EIF2A: variants seen among roughly 807,000 people sequenced by gnomAD.
EIF2A encodes the protein 65 kDa eukaryotic translation initiation factor 2A.
In EIF2A, 62 loss-of-function variants were observed where a neutral mutation model predicts 75.2. The ratio of observed to expected loss-of-function variants is 0.82; its 90% confidence interval spans 0.67 to 1.02. EIF2A has a LOEUF of 1.02. Ranked by LOEUF, EIF2A falls within the 50% of genes least tolerant of loss-of-function variation. The probability of loss-of-function intolerance (pLI) is 0.00; values close to 1 mark genes in which losing one functional copy is unlikely to be tolerated. For missense variants in EIF2A, 611 were observed against 677.7 expected (o/e 0.90, Z 1.09); for synonymous variants, 207 against 239.0 (o/e 0.87, Z 1.23).
chr3:150,562,568 A>G lies in EIF2A; in HGVS notation c.200A>G (p.Lys67Arg). 1.2e-6 allele frequency: 2 copies of G among 1,613,384 alleles called. No homozygotes were observed. The highest frequency in any genetic ancestry group is 2.2e-5 in the South Asian group (2 of 91,020). The change falls in exon 4 of 14, where the codon AAG becomes AGG. Residue 67 changes from lysine to arginine, a missense_variant. Physicochemically the swap from Lys to Arg is conservative, Grantham distance 26. Coordinates refer to ENST00000460851, the MANE Select transcript of EIF2A (RefSeq NM_032025.5). The stretch of plus-strand genomic sequence containing the variant: ...GTAAATATTATCAGTGTCACTAACA[A>G]GGGACTACTGCACTCCTTCGACCTC... ...EKVNIISVTN[K>R]GLLHSFDLLK... is the part of the protein sequence containing the mutation.
rs776709910 is a variant in EIF2A at position 150,558,479 on chromosome 3, A to G, written c.173+17A>G. 42 of 1,480,158 alleles carry G rather than the reference A, an allele frequency of 2.8e-5. No homozygotes were observed. Among genetic ancestry groups the G allele is most frequent in the Non-Finnish European group, 3.2e-5 (36 of 1,122,460 alleles). 91.7% of individuals were successfully genotyped at this position (1,480,158 alleles called of 1,614,324 possible). A position where few individuals can be genotyped will look rare whatever the true frequency, so the allele number is the denominator to read the frequency against. ...TGGAGAAAAGTTAGTGTTCATTTACATAACATATTTTGTGTGTCACGAATA... is the reference window on the plus strand; with the variant it reads ...TGGAGAAAAGTTAGTGTTCATTTACGTAACATATTTTGTGTGTCACGAATA... On this transcript the variant is annotated intron_variant, in intron 3 of 13. Transcript: ENST00000460851.
intron 11 of EIF2A, among the ~76,000 whole-genome samples, chr3:150,580,118 A>G (rs1273500346): frequency 6.6e-6 from 1 of 152,134 alleles, no homozygotes; most frequent in Non-Finnish European, 1.5e-5. Flanking sequence ...TACCGTAGGG[A>G]AAAATACTGG....
intron 11 of EIF2A, among the ~76,000 whole-genome samples, chr3:150,578,494 A>G (rs1390563364): frequency 6.6e-6 from 1 of 151,668 alleles, no homozygotes; most frequent in Non-Finnish European, 1.5e-5. Context: ...GCTCATGGTA[A>G]TAGTGTGATC....
chr3:150,568,157 A>G lies in EIF2A; in HGVS notation c.695-19A>G, dbSNP rs368575162. 1.4e-5 allele frequency: 23 copies of G among 1,606,448 alleles called. No individual in the cohort carries two copies. Among genetic ancestry groups the G allele is most frequent in the Non-Finnish European group, 1.6e-5 (19 of 1,177,640 alleles). On this transcript the variant is annotated intron_variant, in intron 8 of 13. Coordinates refer to ENST00000460851, the MANE Select transcript of EIF2A (RefSeq NM_032025.5). ...GCCCATTTGTGTTTTAAATCTAATTAAAGTTTTTACTGTTATAGCTACTGC... is the reference window on the plus strand; with the variant it reads ...GCCCATTTGTGTTTTAAATCTAATTGAAGTTTTTACTGTTATAGCTACTGC...
chr3:150,565,485 G>A (rs1449667378), intron 6 of EIF2A, among the ~76,000 whole-genome samples: 1 of 152,122 alleles, frequency 6.6e-6, no homozygotes, highest in African/African-American at 2.4e-5. Context: ...TATAGAAAAG[G>A]CGGGATAAAT....
intron 9 of EIF2A, 71 bp downstream of exon 9, chr3:150,568,363 ATAATC>A: frequency 1.7e-6 from 2 of 1,186,930 alleles, no homozygotes; most frequent in Non-Finnish European, 2.3e-6. Flanking sequence ...TAAAGATGAT[ATAATC>A]TAAATTCTTG....
rs1463793864 is a variant in EIF2A at position 150,581,673 on chromosome 3, C to T, written c.1553C>T (p.Thr518Ile). ...DLAPTPAPQS[T>I]PRNTVSQSIS... is the part of the protein sequence containing the mutation. Reference sequence around the variant, plus strand: ...GCACCTACTCCTGCCCCACAGAGCACACCACGAAACACTGTCTCTCAGTCA... The same window carrying T: ...GCACCTACTCCTGCCCCACAGAGCATACCACGAAACACTGTCTCTCAGTCA... The change falls in exon 12 of 14, where the codon ACA becomes ATA. Residue 518 changes from threonine to isoleucine, a missense_variant. Physicochemically the swap from Thr to Ile is moderately conservative, Grantham distance 89 (BLOSUM62 -1). Transcript: ENST00000460851. 1.9e-6 allele frequency: 3 copies of T among 1,552,662 alleles called. No individual in the cohort carries two copies. The highest frequency in any genetic ancestry group is 2.6e-6 in the Non-Finnish European group (3 of 1,147,398).
At position 150,554,221 on chromosome 3, in the gene EIF2A, C is replaced by G. The variant is rs1048631853; in HGVS notation, c.98+1796C>G. On this transcript the variant is annotated intron_variant, in intron 2 of 13. Coordinates refer to ENST00000460851, the MANE Select transcript of EIF2A (RefSeq NM_032025.5). The stretch of plus-strand genomic sequence containing the variant: ...GTATATAAATGCTCCCCCGAAAAAT[C>G]CCCCCTCCGTTTAAACCTAACTGGT... 4.0e-5 allele frequency among the ~76,000 whole-genome samples: 6 copies of G among 151,164 alleles called. No individual in the cohort carries two copies. In the South Asian group the frequency reaches 1.3e-3, roughly 32 times the overall value.
Position 150,572,277 on chromosome 3 carries a change from TG to T in EIF2A, c.1132del (p.Ala378LeufsTer49). 4 of 1,613,982 alleles carry T rather than the reference TG, an allele frequency of 2.5e-6. No homozygotes were observed. The highest frequency in any genetic ancestry group is 3.4e-6 in the Non-Finnish European group (4 of 1,179,880). The stretch of plus-strand genomic sequence containing the variant: ...GTGAGCATATTTTAACAGCTACATG[TG>T]CTCCCAGGTTACGGGTTAATAATGG... ...DGEHILTATC[A>X]PRLRVNNGYK... On this transcript the variant is annotated frameshift_variant, in exon 10 of 14. Coordinates refer to ENST00000460851, the MANE Select transcript of EIF2A (RefSeq NM_032025.5). LOFTEE classifies it high-confidence loss of function.
chr3:150,547,075 A>G (rs553114230), intron 1 of EIF2A: 1 of 569,412 alleles, frequency 1.8e-6, no homozygotes, highest in South Asian at 2.1e-5. Flanking sequence ...TTCATCTTCT[A>G]CAGAAATAGA....
rs1024177424 is a variant in EIF2A at position 150,585,522 on chromosome 3, CACACACAA to C, written c.*1613_*1620del. 10 of 67,880 alleles carry C rather than the reference CACACACAA, an allele frequency of 1.5e-4. No individual in the cohort carries two copies. The highest frequency in any genetic ancestry group is 4.3e-4 in the African/African-American group (10 of 23,004). The allele number at this position is 67,880 out of a possible 1,614,324, so 4.2% of individuals were successfully genotyped here. On this transcript the variant is annotated 3_prime_UTR_variant, in exon 14 of 14. Coordinates refer to ENST00000460851, the MANE Select transcript of EIF2A (RefSeq NM_032025.5). ...GCAACAAGAGTGAAACCGTCTCACA[CACACACAA>C]AAAAAAATATTTTGGAGCTCCTTCT... is the stretch of plus-strand genomic sequence containing the variant.
chr3:150,547,034 C>G (rs1042351483), intron 1 of EIF2A: 3 of 612,682 alleles, frequency 4.9e-6, no homozygotes, highest in South Asian at 2.0e-5. Context: ...TTCCCCCTCC[C>G]TTTCACCCAT....
intron 9 of EIF2A, among the ~76,000 whole-genome samples, chr3:150,570,598 C>T (rs1054288183): frequency 1.8e-4 from 27 of 149,924 alleles, no homozygotes; most frequent in African/African-American, 5.6e-4. Flanking sequence ...AAAAATCAGC[C>T]CATAGAAAAA....
intron 1 of EIF2A, among the ~76,000 whole-genome samples, chr3:150,550,482 T>C (rs902239680): frequency 5.3e-5 from 8 of 152,226 alleles, no homozygotes; most frequent in South Asian, 4.1e-4. Flanking sequence ...AGGAGTAAAT[T>C]AAACTGTATA....
intron 12 of EIF2A, among the ~76,000 whole-genome samples, chr3:150,582,007 CT>C (rs917755613): frequency 2.0e-4 from 29 of 147,272 alleles, no homozygotes; most frequent in East Asian, 1.2e-3. Flanking sequence ...ATACTGAACA[CT>C]TTTTTTTTTT....
intron 2 of EIF2A, among the ~76,000 whole-genome samples, chr3:150,553,241 T>A (rs1723401400): frequency 6.7e-6 from 1 of 148,740 alleles, no homozygotes; most frequent in Admixed American, 6.8e-5. Context: ...CAGAATCGCT[T>A]GAAACCCGGA....
chr3:150,559,479 TTA>T (rs1723735165), intron 3 of EIF2A, among the ~76,000 whole-genome samples: 1 of 150,674 alleles, frequency 6.6e-6, no homozygotes, highest in Admixed American at 6.7e-5. Flanking sequence ...ATTATAGGTG[TTA>T]GCCACTATGC....
intron 2 of EIF2A, among the ~76,000 whole-genome samples, chr3:150,555,551 C>T (rs949956868): frequency 6.6e-6 from 1 of 151,818 alleles, no homozygotes; most frequent in Non-Finnish European, 1.5e-5. Context: ...AGCCACCACA[C>T]CCGGCCATGT....
intron 9 of EIF2A, among the ~76,000 whole-genome samples, chr3:150,569,384 T>C (rs1393362075): frequency 6.6e-6 from 1 of 151,878 alleles, no homozygotes; most frequent in Non-Finnish European, 1.5e-5. Flanking sequence ...GTCATTTCTC[T>C]CTTGTCAGTC....
Sources: gnomAD v4.1 joint callset for allele counts (sites outside exome capture counted in the v4.1 genomes callset) on GRCh38, gnomAD v4.1.1 for gene constraint, MANE v1.5 for transcripts, NCBI Gene and HGNC (gene_info 2026-07-23, HGNC 2026-07-21) for gene names.